The following GRIK2 variants were observed in gnomAD, a reference collection of about 807,000 sequenced individuals.
The protein encoded by GRIK2 is glutamate ionotropic receptor kainate type subunit 2.
Under a neutral mutation model 100.3 loss-of-function variants are expected in GRIK2, and 32 were observed. That is an observed-to-expected ratio of 0.32 (90% CI 0.24 to 0.43). The LOEUF (loss-of-function observed/expected upper bound fraction) is 0.43, where lower values mean the gene tolerates loss of function less well. Ranked by LOEUF, GRIK2 falls within the 20% of genes least tolerant of loss-of-function variation. The probability of loss-of-function intolerance (pLI) is 1.00; values close to 1 mark genes in which losing one functional copy is unlikely to be tolerated. For synonymous variants in GRIK2, 417 were observed against 389.4 expected (o/e 1.07, Z -0.83); for missense variants, 843 against 1,114.9 (o/e 0.76, Z 3.47).
intron 2 of GRIK2, among the ~76,000 whole-genome samples, chr6:101,577,522 G>A (rs542181935): frequency 6.5e-4 from 99 of 152,002 alleles, no homozygotes; most frequent in African/African-American, 2.2e-3. Flanking sequence ...ATAATTCTAT[G>A]AGCCTTCAAT....
At chr6:101,629,558 C>T (rs926712971) in intron 4 of GRIK2, among the ~76,000 whole-genome samples, 19 of 151,952 alleles carry the variant, frequency 1.3e-4, no homozygotes, top group Non-Finnish European at 2.5e-4. Context: ...TGTAACAGAC[C>T]AATTGTTGCC....
intron 7 of GRIK2, among the ~76,000 whole-genome samples, chr6:101,717,171 T>G (rs1036600990): frequency 5.9e-5 from 9 of 151,712 alleles, no homozygotes; most frequent in Non-Finnish European, 8.8e-5. Context: ...GCAAGCCTTG[T>G]AAATGAGGTA....
chr6:101,671,365 TATG>T (rs1770419274), intron 4 of GRIK2, among the ~76,000 whole-genome samples: 2 of 147,882 alleles, frequency 1.4e-5, no homozygotes, highest in South Asian at 2.2e-4. Context: ...ATTATATTTT[TATG>T]ATAAGTACCT....
chr6:101,519,486 C>T (rs549850255), intron 2 of GRIK2, among the ~76,000 whole-genome samples: 1 of 152,088 alleles, frequency 6.6e-6, no homozygotes, highest in East Asian at 1.9e-4. Context: ...TCACAGTGTT[C>T]CTTGAGTCAC....
At chr6:101,416,578 A>T (rs749655938) in intron 2 of GRIK2, among the ~76,000 whole-genome samples, 24 of 152,218 alleles carry the variant, frequency 1.6e-4, no homozygotes, top group Admixed American at 5.9e-4. Flanking sequence ...TCAGGAAATT[A>T]AATTGAACTT....
chr6:101,688,011 G>A (rs1771823920), intron 7 of GRIK2, among the ~76,000 whole-genome samples: 1 of 147,948 alleles, frequency 6.8e-6, no homozygotes, highest in Admixed American at 6.8e-5. Flanking sequence ...ATATTATAAT[G>A]TATGCTATCC....
intron 2 of GRIK2, among the ~76,000 whole-genome samples, chr6:101,487,417 C>T (rs1375491975): frequency 6.8e-6 from 1 of 146,216 alleles, no homozygotes; most frequent in African/African-American, 2.6e-5. Flanking sequence ...ATATTAGTCC[C>T]ATCTCCACCA....
chr6:101,555,366 A>C (rs957198768), intron 2 of GRIK2, among the ~76,000 whole-genome samples: 1 of 152,142 alleles, frequency 6.6e-6, no homozygotes, highest in African/African-American at 2.4e-5. Flanking sequence ...CCCTTATGGC[A>C]AGCAGCACAC....
intron 2 of GRIK2, among the ~76,000 whole-genome samples, chr6:101,526,474 G>A (rs2128283210): frequency 6.6e-6 from 1 of 152,230 alleles, no homozygotes; most frequent in South Asian, 2.1e-4. Flanking sequence ...AACTTGTTGG[G>A]TAATCAAAAA....
intron 2 of GRIK2, among the ~76,000 whole-genome samples, chr6:101,531,478 A>G (rs1425802805): frequency 6.6e-6 from 1 of 151,972 alleles, no homozygotes; most frequent in African/African-American, 2.4e-5. Flanking sequence ...GTTGTTATAG[A>G]AGATAAGGTA....
intron 10 of GRIK2, among the ~76,000 whole-genome samples, chr6:101,855,081 T>C (rs1784354926): frequency 6.6e-6 from 1 of 152,120 alleles, no homozygotes; most frequent in African/African-American, 2.4e-5. Context: ...GGAAAATAGC[T>C]TTGTATTTTT....
intron 2 of GRIK2, among the ~76,000 whole-genome samples, chr6:101,516,290 A>C (rs1183472117): frequency 6.6e-6 from 1 of 152,138 alleles, no homozygotes. Flanking sequence ...AGCAAGACTA[A>C]GCAAAAAGAA....
At chr6:101,845,806 A>G (rs928209378) in intron 10 of GRIK2, among the ~76,000 whole-genome samples, 3 of 152,142 alleles carry the variant, frequency 2.0e-5, no homozygotes, top group Non-Finnish European at 4.4e-5. Flanking sequence ...TATTTTCTCT[A>G]TATCCTCACC....
intron 15 of GRIK2, among the ~76,000 whole-genome samples, chr6:102,055,022 C>T (rs1771395254): frequency 6.6e-6 from 1 of 152,296 alleles, no homozygotes; most frequent in South Asian, 2.1e-4. Context: ...CATCTTTGCA[C>T]TCTATCCGTT....
chr6:101,805,789 C>T (rs929424706), intron 9 of GRIK2, among the ~76,000 whole-genome samples: 8 of 152,014 alleles, frequency 5.3e-5, no homozygotes, highest in Middle Eastern at 3.4e-3. Flanking sequence ...ACATAATGTT[C>T]GGAAACATGA....
intron 14 of GRIK2, among the ~76,000 whole-genome samples, chr6:101,985,014 C>A (rs915904670): frequency 6.6e-6 from 1 of 151,550 alleles, no homozygotes; most frequent in African/African-American, 2.4e-5. Flanking sequence ...TTGTTAAACC[C>A]AAGGCTTCAC....
intron 6 of GRIK2, among the ~76,000 whole-genome samples, chr6:101,684,484 T>A (rs1362294935): frequency 6.6e-6 from 1 of 152,170 alleles, no homozygotes; most frequent in African/African-American, 2.4e-5. Context: ...CTAATTTTTG[T>A]GTCTCCACTC....
intron 2 of GRIK2, among the ~76,000 whole-genome samples, chr6:101,462,118 A>T (rs1461380007): frequency 1.3e-5 from 2 of 152,156 alleles, no homozygotes; most frequent in East Asian, 3.9e-4. Flanking sequence ...TCAGGGTGTT[A>T]AATGTTAATA....
chr6:101,747,662 A>G (rs949803619), intron 7 of GRIK2, among the ~76,000 whole-genome samples: 4 of 150,828 alleles, frequency 2.7e-5, no homozygotes, highest in African/African-American at 9.7e-5. Flanking sequence ...TCAAAGATTA[A>G]TAGCACTATT....
Sources: allele counts gnomAD v4.1 joint callset (sites outside exome capture counted in the v4.1 genomes callset), GRCh38; gene constraint gnomAD v4.1.1; transcripts MANE v1.5; gene names NCBI Gene and HGNC (gene_info 2026-07-23, HGNC 2026-07-21).